Variants in ADGRG6 observed in about 807,000 individuals in gnomAD.
ADGRG6 encodes adhesion G protein-coupled receptor G6.
A neutral mutation model predicts 142.4 loss-of-function variants in ADGRG6; 84 were observed. That is an observed-to-expected ratio of 0.59 (90% CI 0.49 to 0.71). The LOEUF is 0.71. ADGRG6 is among the 30% of genes least tolerant of loss of function. The pLI, the probability that ADGRG6 is intolerant of heterozygous loss-of-function variation, is 0.00. For missense variants in ADGRG6, 1,367 were observed against 1,466.6 expected (o/e 0.93, Z 1.11); for synonymous variants, 521 against 520.5 (o/e 1.00, Z -0.01).
At chr6:142,338,022 T>TG (rs1562321016) in intron 2 of ADGRG6, among the ~76,000 whole-genome samples, 3 of 32,584 alleles carry the variant, frequency 9.2e-5, no homozygotes, top group Non-Finnish European at 1.6e-4. Context: ...TCTTTGTTTT[T>TG]TTTTTTTTTT....
chr6:142,333,821 G>A (rs966889333), intron 2 of ADGRG6, among the ~76,000 whole-genome samples: 1 of 152,166 alleles, frequency 6.6e-6, no homozygotes, highest in Non-Finnish European at 1.5e-5. Context: ...TGAGAGATGA[G>A]GAAATTGAAT....
At chr6:142,410,948 C>A (rs1262726361) in intron 17 of ADGRG6, among the ~76,000 whole-genome samples, 3 of 121,404 alleles carry the variant, frequency 2.5e-5, no homozygotes, top group African/African-American at 1.3e-4. Context: ...TGTAGATTAA[C>A]CCTCAGAAAA....
In ADGRG6 at chr6:142,380,071, T is replaced by G. The variant is rs546207651; in HGVS notation, c.1070-1880T>G. On this transcript the variant is annotated intron_variant, in intron 4 of 24. Coordinates refer to ENST00000367609, the MANE Select transcript of ADGRG6 (RefSeq NM_198569.3). ...GTCATAGGTAGATTTAAAATTTTTC[T>G]GATTGACAATTGATTGAAAGAGTTA... Among the ~76,000 whole-genome samples the G allele has an allele frequency of 1.2e-4, 18 of 152,296 alleles. No individual in the cohort carries two copies. In the East Asian group the frequency reaches 2.3e-3, roughly 20 times the overall value.
intron 2 of ADGRG6, among the ~76,000 whole-genome samples, chr6:142,322,213 A>C (rs1014464032): frequency 6.6e-6 from 1 of 152,078 alleles, no homozygotes; most frequent in Non-Finnish European, 1.5e-5. Flanking sequence ...CAGTCCAGGC[A>C]ACATAGCGAG....
At chr6:142,424,654 C>T (rs533271094) in intron 22 of ADGRG6, among the ~76,000 whole-genome samples, 19 of 151,322 alleles carry the variant, frequency 1.3e-4, no homozygotes, top group East Asian at 5.8e-4. Flanking sequence ...TGTCTCTGCC[C>T]GGCTTTGGTA....
At chr6:142,351,084 A>G (rs1388474206) in intron 2 of ADGRG6, among the ~76,000 whole-genome samples, 2 of 152,048 alleles carry the variant, frequency 1.3e-5, no homozygotes, top group East Asian at 3.9e-4. Flanking sequence ...AAAAGAAAAT[A>G]CAAAAAATTA....
At chr6:142,335,220 GT>G (rs1779255918) in intron 2 of ADGRG6, among the ~76,000 whole-genome samples, 1 of 152,176 alleles carries the variant, frequency 6.6e-6, no homozygotes, top group African/African-American at 2.4e-5. Context: ...TAGATGTTTG[GT>G]TTTTGGTGGA....
rs9484624 is a variant in ADGRG6, at chr6:142,335,002, A to C, written c.103+25358A>C. On this transcript the variant is annotated intron_variant, in intron 2 of 24. Transcript: ENST00000367609. ...GAATAAAGGTGATTGGCACTGGACA[A>C]AAGCATGTCTAGAAAGAGTTTATTG... Among the ~76,000 whole-genome samples, 744 of 152,354 alleles carry C rather than the reference A, an allele frequency of 4.9e-3. 10 individuals are homozygous for C. The highest frequency in any genetic ancestry group is 0.017 in the African/African-American group (706 of 41,584).
At chr6:142,410,264 C>T (rs955424971) in intron 17 of ADGRG6, among the ~76,000 whole-genome samples, 1 of 152,052 alleles carries the variant, frequency 6.6e-6, no homozygotes, top group Non-Finnish European at 1.5e-5. Flanking sequence ...TTCTAAGACA[C>T]AGTTGAGGGG....
chr6:142,371,452 C>A (rs1781248805), intron 4 of ADGRG6, among the ~76,000 whole-genome samples: 1 of 149,922 alleles, frequency 6.7e-6, no homozygotes, highest in African/African-American at 2.5e-5. Context: ...CAGGTGTGAG[C>A]CACCCTGCCT....
intron 2 of ADGRG6, among the ~76,000 whole-genome samples, chr6:142,348,443 A>C (rs1031410395): frequency 6.6e-6 from 1 of 152,120 alleles, no homozygotes; most frequent in Non-Finnish European, 1.5e-5. Flanking sequence ...AAGGAAAACA[A>C]AAATTTTGTT....
At chr6:142,393,084 T>C (rs1042710715) in intron 8 of ADGRG6, 84 bp downstream of exon 8, 1 of 712,442 alleles carries the variant, frequency 1.4e-6, no homozygotes, top group African/African-American at 1.8e-5. Flanking sequence ...TACCAAAATA[T>C]ACATACAAAT....
chr6:142,347,886 C>G (rs9496345), intron 2 of ADGRG6, among the ~76,000 whole-genome samples: 1 of 152,062 alleles, frequency 6.6e-6, no homozygotes, highest in Non-Finnish European at 1.5e-5. Flanking sequence ...GCTAAATATT[C>G]TTTTGATTTC....
chr6:142,368,958 T>C (rs1200379615), intron 3 of ADGRG6, among the ~76,000 whole-genome samples: 2 of 152,004 alleles, frequency 1.3e-5, no homozygotes, highest in Admixed American at 6.5e-5. Flanking sequence ...TACTGGTTCA[T>C]ATTGTGTCTC....
intron 4 of ADGRG6, among the ~76,000 whole-genome samples, chr6:142,373,230 A>T (rs1411155222): frequency 6.6e-6 from 1 of 152,200 alleles, no homozygotes; most frequent in Non-Finnish European, 1.5e-5. Flanking sequence ...ACTGTCATTC[A>T]TCATAAACAG....
chr6:142,416,165 A>G (rs1776350079), intron 20 of ADGRG6, 101 bp downstream of exon 20: 1 of 805,090 alleles, frequency 1.2e-6, no homozygotes, highest in Non-Finnish European at 1.9e-6. Flanking sequence ...TACCATTAAG[A>G]GGAACCTCAA....
intron 15 of ADGRG6, 25 bp from the exon 16 acceptor site, chr6:142,408,125 C>G (rs1000089324): frequency 1.3e-6 from 2 of 1,524,214 alleles, no homozygotes; most frequent in East Asian, 4.8e-5. Flanking sequence ...CTGACTGATA[C>G]ACGCGATTTT....
At chr6:142,356,788 C>T (rs1780468016) in intron 2 of ADGRG6, among the ~76,000 whole-genome samples, 1 of 152,150 alleles carries the variant, frequency 6.6e-6, no homozygotes. Flanking sequence ...GACCAGAAGC[C>T]ACTGTGATCT....
In ADGRG6 at chr6:142,425,398, T is replaced by C. The variant is rs141793658; in HGVS notation, c.3319+5294T>C. On this transcript the variant is annotated intron_variant, in intron 22 of 24. Transcript: ENST00000367609. ...ATTTAGGAAGCATGCTGCTACAAAA[T>C]ACTCATCATTGATTTGCTCATTAAA... Among the ~76,000 whole-genome samples the C allele has an allele frequency of 4.1e-3, 631 of 152,278 alleles. 3 individuals are homozygous for C. Among genetic ancestry groups the C allele is most frequent in the African/African-American group, 0.014 (599 of 41,568 alleles).
Sources: allele counts gnomAD v4.1 joint callset (sites outside exome capture counted in the v4.1 genomes callset), GRCh38; gene constraint gnomAD v4.1.1; transcripts MANE v1.5; gene names NCBI Gene and HGNC (gene_info 2026-07-23, HGNC 2026-07-21).